The following SLC4A4 variants were observed in gnomAD, a reference collection of about 807,000 sequenced individuals.
The protein encoded by SLC4A4 is solute carrier family 4 member 4, also known as electrogenic sodium bicarbonate cotransporter 1.
SLC4A4 carries 27 observed loss-of-function variants against 111.5 expected under a neutral mutation model. The observed-to-expected ratio is 0.24, with a 90% CI of 0.18 to 0.33. SLC4A4 has a LOEUF of 0.33. Among genes scored for constraint, SLC4A4 ranks in the 10% least tolerant of loss-of-function variants. The pLI is 1.00. For missense variants in SLC4A4, 909 were observed against 1,315.5 expected (o/e 0.69, Z 4.78); for synonymous variants, 443 against 463.4 (o/e 0.96, Z 0.57).
At chr4:71,381,673 T>C (rs1271226034) in intron 6 of SLC4A4, among the ~76,000 whole-genome samples, 1 of 152,178 alleles carries the variant, frequency 6.6e-6, no homozygotes, top group Non-Finnish European at 1.5e-5. Flanking sequence ...GCTGGGAATT[T>C]ACAATGATTA....
chr4:71,244,036 G>A (rs1334016395), intron 2 of SLC4A4, among the ~76,000 whole-genome samples: 1 of 152,088 alleles, frequency 6.6e-6, no homozygotes, highest in Non-Finnish European at 1.5e-5. Flanking sequence ...TTATAGATGG[G>A]TTAAATCACT....
intron 1 of SLC4A4, among the ~76,000 whole-genome samples, chr4:71,088,415 A>T (rs6817454): frequency 0.23 from 34,792 of 151,736 alleles, 4,148 homozygotes; most frequent in South Asian, 0.24. Flanking sequence ...TTTAAGGTTA[A>T]TATTGTTATG....
chr4:71,311,044 G>A lies in SLC4A4; in HGVS notation c.254-28326G>A, dbSNP rs144464921. On this transcript the variant is annotated intron_variant, in intron 3 of 25. Transcript: ENST00000264485. ...ACAACAAAACTTAGGGGTTGCAATC[G>A]TAGTCTCTGATAAAACAGGCTTTAA... 2.0e-4 allele frequency among the ~76,000 whole-genome samples: 31 copies of A among 152,182 alleles called. No homozygotes were observed. In the East Asian group the frequency reaches 4.1e-3, roughly 20 times the overall value.
chr4:71,273,158 A>T (rs940413388), intron 3 of SLC4A4, among the ~76,000 whole-genome samples: 2 of 152,224 alleles, frequency 1.3e-5, no homozygotes, highest in Non-Finnish European at 2.9e-5. Flanking sequence ...ACTCCATTTT[A>T]TAGATGAAAT....
At chr4:71,366,994 C>A (rs532546620) in intron 6 of SLC4A4, among the ~76,000 whole-genome samples, 1 of 152,346 alleles carries the variant, frequency 6.6e-6, no homozygotes, top group East Asian at 1.9e-4. Flanking sequence ...CCGAGTCTCT[C>A]TGGGCAGTTC....
At chr4:71,456,355 G>T (rs964185914) in intron 12 of SLC4A4, among the ~76,000 whole-genome samples, 1 of 152,058 alleles carries the variant, frequency 6.6e-6, no homozygotes, top group African/African-American at 2.4e-5. Context: ...GAAAATTAAT[G>T]ACTATGAATT....
intron 20 of SLC4A4, among the ~76,000 whole-genome samples, chr4:71,553,411 C>G (rs1736205255): frequency 6.6e-6 from 1 of 151,814 alleles, no homozygotes; most frequent in Admixed American, 6.6e-5. Flanking sequence ...TTAGCTAAGC[C>G]TAGCTGAGGG....
At chr4:71,437,333 A>G (rs1445579599) in intron 7 of SLC4A4, 1 of 358,454 alleles carries the variant, frequency 2.8e-6, no homozygotes, top group African/African-American at 2.1e-5. Context: ...AATACACTCA[A>G]TTTCCAGAAT....
At chr4:71,123,305 T>C (rs1743483212) in intron 2 of SLC4A4, among the ~76,000 whole-genome samples, 1 of 152,158 alleles carries the variant, frequency 6.6e-6, no homozygotes, top group Non-Finnish European at 1.5e-5. Context: ...CATATAACCA[T>C]TACATTGTAA....
intron 7 of SLC4A4, among the ~76,000 whole-genome samples, chr4:71,421,563 C>T (rs532177298): frequency 2.0e-5 from 3 of 152,180 alleles, no homozygotes; most frequent in African/African-American, 7.2e-5. Context: ...ACACCTATTC[C>T]AAAATTGACC....
At chr4:71,215,992 C>T (rs771095244) in intron 1 of SLC4A4, among the ~76,000 whole-genome samples, 28 of 150,888 alleles carry the variant, frequency 1.9e-4, no homozygotes, top group Admixed American at 6.6e-4. Context: ...GCATCTTCCG[C>T]CCCCACCCCG....
At chr4:71,461,266 A>G (rs1471843990) in intron 12 of SLC4A4, among the ~76,000 whole-genome samples, 1 of 152,106 alleles carries the variant, frequency 6.6e-6, no homozygotes, top group African/African-American at 2.4e-5. Flanking sequence ...TTTATCTTCC[A>G]TACTTTAGTG....
intron 3 of SLC4A4, among the ~76,000 whole-genome samples, chr4:71,266,659 C>A (rs1722284482): frequency 6.6e-6 from 1 of 152,072 alleles, no homozygotes; most frequent in South Asian, 2.1e-4. Flanking sequence ...TGCATGATCT[C>A]ATTGAGATAC....
At chr4:71,486,730 T>A (rs900242196) in intron 14 of SLC4A4, among the ~76,000 whole-genome samples, 3 of 151,378 alleles carry the variant, frequency 2.0e-5, no homozygotes, top group Non-Finnish European at 4.4e-5. Context: ...TCACCATCAT[T>A]TCTTATCAGA....
intron 3 of SLC4A4, among the ~76,000 whole-genome samples, chr4:71,264,644 A>G (rs143933711): frequency 1.3e-5 from 2 of 152,270 alleles, no homozygotes; most frequent in Admixed American, 6.5e-5. Flanking sequence ...CCCAGTATCC[A>G]GAACACATGC....
In SLC4A4 at chr4:71,454,548, A is replaced by AT. The variant is rs548543667; in HGVS notation, c.1497+889dup. The stretch of plus-strand genomic sequence containing the variant: ...ATTCATAAGTGATGCCAGCCAGCTT[A>AT]TTTTTTTTTTAAATGCAGCTGATTC... On this transcript the variant is annotated intron_variant, in intron 12 of 25. Coordinates refer to ENST00000264485, the MANE Select transcript of SLC4A4 (RefSeq NM_001098484.3). Among the ~76,000 whole-genome samples the AT allele has an allele frequency of 4.5e-3, 665 of 148,682 alleles. 1 individual carries two copies. The highest frequency in any genetic ancestry group is 0.015 in the African/African-American group (601 of 40,666).
chr4:71,159,813 T>C (rs538993152), intron 2 of SLC4A4, among the ~76,000 whole-genome samples: 10 of 152,362 alleles, frequency 6.6e-5, no homozygotes, highest in Admixed American at 4.6e-4. Context: ...AACTAGCCTA[T>C]ATAAAAATCT....
At chr4:71,236,976 G>A (rs1216474927) in intron 2 of SLC4A4, among the ~76,000 whole-genome samples, 3 of 152,152 alleles carry the variant, frequency 2.0e-5, no homozygotes, top group Admixed American at 1.3e-4. Flanking sequence ...ATTCAAGAAA[G>A]CTGCTCGATT....
chr4:71,568,535 T>C lies in SLC4A4; in HGVS notation c.*784T>C, dbSNP rs1303197492. The C allele has an allele frequency of 2.0e-5, 3 of 152,228 alleles. No homozygotes were observed. Among genetic ancestry groups the C allele is most frequent in the African/African-American group, 7.2e-5 (3 of 41,390 alleles). The allele number at this position is 152,228 out of a possible 1,614,324, so 9.4% of individuals were successfully genotyped here. ...TTTTTTTAACCCTTTAATGAACTTA[T>C]CTGTTGAGTACATTGAAGAATATTT... On this transcript the variant is annotated 3_prime_UTR_variant, in exon 26 of 26. Transcript: ENST00000264485.
Sources: allele counts gnomAD v4.1 joint callset (sites outside exome capture counted in the v4.1 genomes callset), GRCh38; gene constraint gnomAD v4.1.1; transcripts MANE v1.5; gene names NCBI Gene and HGNC (gene_info 2026-07-23, HGNC 2026-07-21).